Variants in PPFIA4 observed in about 807,000 individuals in gnomAD.
PPFIA4 encodes the protein liprin-alpha-4.
Under a neutral mutation model 145.7 loss-of-function variants are expected in PPFIA4, and 98 were observed. The observed-to-expected ratio is 0.67, with a 90% confidence interval of 0.57 to 0.80. The LOEUF is 0.80. Ranked by LOEUF, PPFIA4 falls within the 30% of genes least tolerant of loss-of-function variation. PPFIA4 has a pLI of 0.00. For missense variants in PPFIA4, 1,457 were observed against 1,632.7 expected, an observed-to-expected ratio of 0.89 and a Z score of 1.85; for synonymous variants, 628 against 649.6, an observed-to-expected ratio of 0.97 and a Z score of 0.51.
chr1:203,068,398 GC>G lies in PPFIA4; in HGVS notation c.3149-52del, dbSNP rs1571735966. On this transcript the variant is annotated intron_variant, in intron 26 of 29. Transcript: ENST00000295706. This position sits in a 1 kb window ranked among gnomAD's most constrained non-coding sequence, Gnocchi z 4.7. ...GGAGCTCTGCTTCTGTCCTTGGAGGGCCCTTGATGAAACGTAGTATCTCCTT... is the reference window on the plus strand; with the variant it reads ...GGAGCTCTGCTTCTGTCCTTGGAGGGCCTTGATGAAACGTAGTATCTCCTT... The G allele has an allele frequency of 5.4e-6, 8 of 1,470,572 alleles. No individual in the cohort carries two copies. The East Asian group carries it at 2.0e-4, about 37-fold the overall frequency. 91.1% of individuals were successfully genotyped at this position (1,470,572 alleles called of 1,614,324 possible).
At position 203,060,777 on chromosome 1, in the gene PPFIA4, A is replaced by T. The variant is rs189886398; in HGVS notation, c.2785-193A>T. Among the ~76,000 whole-genome samples the T allele has an allele frequency of 1.5e-3, 221 of 152,284 alleles. No homozygotes were observed. Among genetic ancestry groups the T allele is most frequent in the Middle Eastern group, 0.014 (4 of 294 alleles). On this transcript the variant is annotated intron_variant, in intron 22 of 29. Coordinates refer to ENST00000295706, the MANE Select transcript of PPFIA4 (RefSeq NM_001304331.2). The surrounding 1 kb of genome is among the most constrained non-coding windows in gnomAD (Gnocchi z 4.8). ...TTGTGAATATTGTCTTGGTCCTCTA[A>T]CACAAGAATGCGGACTGCTCTGTGG...
chr1:203,046,207 G>A, intron 8 of PPFIA4, 41 bp from the exon 9 acceptor site: 1 of 1,560,874 alleles, frequency 6.4e-7, no homozygotes, highest in Non-Finnish European at 8.7e-7. Context: ...GGGGGCTTCA[G>A]TGCTCCCTTT....
chr1:203,035,318 A>G (rs1558063343), intron 1 of PPFIA4: 1 of 456,646 alleles, frequency 2.2e-6, no homozygotes. Flanking sequence ...CAGGCCTGCC[A>G]TCTGGTAGGC....
chr1:203,057,379 A>G (rs1661042966), intron 19 of PPFIA4, among the ~76,000 whole-genome samples: 1 of 152,228 alleles, frequency 6.6e-6, no homozygotes, highest in Admixed American at 6.5e-5. Flanking sequence ...GGGACTCAAA[A>G]TGTGATAACA....
intron 27 of PPFIA4, among the ~76,000 whole-genome samples, chr1:203,070,512 T>C (rs1248932833): frequency 6.7e-6 from 1 of 149,830 alleles, no homozygotes; most frequent in Non-Finnish European, 1.5e-5. Context: ...AGCCCAGGAG[T>C]TTAAGGCTGC....
At position 203,046,254 on chromosome 1, in the gene PPFIA4, G is replaced by A; in HGVS notation, c.1012G>A (p.Glu338Lys). The A allele has an allele frequency of 6.3e-7, 1 of 1,591,648 alleles. No homozygotes were observed. Among genetic ancestry groups the A allele is most frequent in the Middle Eastern group, 1.7e-4 (1 of 6,038 alleles). ...ACCACCCCCACATTGCTAGTGTGAG[G>A]AGAAGGCCCGACACCTGCAGGAGCT... ...NKESLHRQCEEKARHLQELLE... is the reference protein window; with the variant it reads ...NKESLHRQCEKKARHLQELLE... The change falls in exon 9 of 30, where the codon GAG (glutamate) becomes AAG (lysine). Residue 338 changes from glutamate to lysine, a missense_variant. This residue lies in a region of PPFIA4 where 463 missense variants were observed against 459.8 expected (regional missense o/e 1.01). Coordinates refer to ENST00000295706, the MANE Select transcript of PPFIA4 (RefSeq NM_001304331.2).
chr1:203,048,741 C>A lies in PPFIA4; in HGVS notation c.1356+27C>A, dbSNP rs760593173. ...TGCCCAGAGGGGCGGGGTTGGGATG[C>A]GAGAGGTTAGTGCTGGGTGTGGGGC... On this transcript the variant is annotated intron_variant, in intron 11 of 29. Transcript: ENST00000295706. The surrounding 1 kb of genome is among the most constrained non-coding windows in gnomAD (Gnocchi z 5.8). 2 of 1,476,850 alleles carry A rather than the reference C, an allele frequency of 1.4e-6. No individual in the cohort carries two copies. The highest frequency in any genetic ancestry group is 2.0e-5 in the Admixed American group (1 of 51,236). 91.5% of individuals were successfully genotyped at this position (1,476,850 alleles called of 1,614,324 possible). A position where few individuals can be genotyped will look rare whatever the true frequency, so the allele number is the denominator to read the frequency against.
intron 27 of PPFIA4, 33 bp from the exon 28 acceptor site, chr1:203,071,659 C>G: frequency 6.5e-7 from 1 of 1,541,998 alleles, no homozygotes; most frequent in Non-Finnish European, 8.9e-7. Flanking sequence ...ATAGCCCTTC[C>G]CACCTTTCCC....
rs367972229 is a variant in PPFIA4, at chr1:203,066,357, A to G, written c.3051-1338A>G. Among the ~76,000 whole-genome samples, 13 of 152,324 alleles carry G rather than the reference A, an allele frequency of 8.5e-5. No homozygotes were observed. The East Asian group carries it at 1.9e-3, about 23-fold the overall frequency. On this transcript the variant is annotated intron_variant, in intron 25 of 29. Transcript: ENST00000295706. ...CCTCCTGCTGAGAAGTGAGGGGAGA[A>G]AAGGAGGGAGCAGTCTGCACAATTT... is the stretch of plus-strand genomic sequence containing the variant.
rs1214457942 is a variant in PPFIA4 at position 203,038,923 on chromosome 1, C to T, written c.-86C>T. On this transcript the variant is annotated 5_prime_UTR_variant, in exon 2 of 30. Transcript: ENST00000295706. ...TCGCCTGGCACTGCCCACTCTGAGA[C>T]CCATGCACTGGGTTCCCCTGGAGGT... The T allele has an allele frequency of 4.3e-6, 3 of 696,648 alleles. No homozygotes were observed. The highest frequency in any genetic ancestry group is 4.9e-4 in the Middle Eastern group (2 of 4,120). The allele number at this position is 696,648 out of a possible 1,614,324, so 43.2% of individuals were successfully genotyped here.
rs940048760 is a variant in PPFIA4, at chr1:203,048,929, C to G, written c.1368C>G (p.Ile456Met). 1.2e-5 allele frequency: 18 copies of G among 1,548,362 alleles called. No homozygotes were observed. The African/African-American group carries it at 1.9e-4, about 17-fold the overall frequency. The change falls in exon 12 of 30, where the codon ATC (isoleucine) becomes ATG (methionine). Residue 456 changes from isoleucine to methionine, a missense_variant. Transcript: ENST00000295706. The surrounding 1 kb of genome is among the most constrained non-coding windows in gnomAD (Gnocchi z 5.8). ...CTGCTCTCCCCCAGAACACGTTGAT[C>G]CAGGAGTTGGAGAGCTCCCAGCGGC... ...MAALEEKNTLIQELESSQRQI... is the reference protein window; with the variant it reads ...MAALEEKNTLMQELESSQRQI...
chr1:203,052,015 G>A, intron 14 of PPFIA4, 138 bp downstream of exon 14: 1 of 953,632 alleles, frequency 1.0e-6, no homozygotes, highest in East Asian at 2.9e-5. Context: ...CAGCCCTGGG[G>A]TTGAGGCCAT....
chr1:203,035,781 C>T (rs1659204807), intron 1 of PPFIA4: 1 of 402,012 alleles, frequency 2.5e-6, no homozygotes, highest in Admixed American at 2.7e-5. Context: ...CTGGGGCTCC[C>T]TTCTGCTCAC....
At chr1:203,026,695 G>A (rs1219714818) in intron 1 of PPFIA4, 66 bp downstream of exon 1, 3 of 152,306 alleles carry the variant, frequency 2.0e-5, no homozygotes, top group Non-Finnish European at 4.4e-5. Context: ...CCCCTCGACA[G>A]TTTGGGGAGG....
rs1273677518 is a variant in PPFIA4, at chr1:203,053,766, C to G, written c.1634C>G (p.Ser545Cys). The G allele has an allele frequency of 9.0e-6, 14 of 1,550,802 alleles. No homozygotes were observed. The highest frequency in any genetic ancestry group is 1.4e-5 in the African/African-American group (1 of 73,038). The part of the protein sequence containing the change: ...REESAKDWET[S>C]PLPGMLAPAA... ...TCCTTTGCTAAGGACTGGGAGACTT[C>G]TCCACTGCCTGGGATGCTGGCCCCG... is the stretch of plus-strand genomic sequence containing the variant. The change falls in exon 15 of 30, where the codon TCT becomes TGT. Residue 545 changes from serine (S) to cysteine (C), a missense_variant. This residue lies in a region of PPFIA4 where 848 missense variants were observed against 1,046.7 expected (regional missense o/e 0.81). Coordinates refer to ENST00000295706, the MANE Select transcript of PPFIA4 (RefSeq NM_001304331.2).
In PPFIA4 at chr1:203,045,785, C is replaced by T; in HGVS notation, c.859-56C>T. 1.9e-6 allele frequency: 3 copies of T among 1,610,312 alleles called. No homozygotes were observed. In the South Asian group the frequency reaches 3.3e-5, roughly 18 times the overall value. ...CCAGGTGTGGGTGGGGAGGTGTAGA[C>T]AGGATGGGGGCAAGGAAAGGCTGGT... On this transcript the variant is annotated intron_variant, in intron 7 of 29. Transcript: ENST00000295706.
rs1290418740 is a variant in PPFIA4 at position 203,044,398 on chromosome 1, C to T, written c.521C>T (p.Ala174Val). The T allele has an allele frequency of 5.2e-6, 8 of 1,552,160 alleles. No individual in the cohort carries two copies. The highest frequency in any genetic ancestry group is 7.0e-6 in the Non-Finnish European group (8 of 1,147,938). ...GAGCAGGTGCGAGAGCGGCTCCGGG[C>T]AGCGCTGGAGCGAGTCACCACCTTG... is the stretch of plus-strand genomic sequence containing the variant. ...LDEKVRERLRAALERVTTLEE... is the reference protein window; with the variant it reads ...LDEKVRERLRVALERVTTLEE... Residue 174 changes from alanine (A) to valine (V), a missense_variant, in exon 5 of 30, where the codon GCA becomes GTA. Ala to Val is a moderately conservative substitution (Grantham distance 64). Transcript: ENST00000295706.
intron 19 of PPFIA4, among the ~76,000 whole-genome samples, chr1:203,058,108 A>G (rs1312316247): frequency 6.6e-6 from 1 of 152,194 alleles, no homozygotes; most frequent in African/African-American, 2.4e-5. Flanking sequence ...GGAGGAACTC[A>G]TCAACTAGAA....
chr1:203,065,346 G>T (rs1436077536), intron 25 of PPFIA4, among the ~76,000 whole-genome samples: 2 of 151,842 alleles, frequency 1.3e-5, no homozygotes, highest in Non-Finnish European at 2.9e-5. Context: ...GGGCTGAAAA[G>T]GAATCGTTTT....
Sources: gnomAD v4.1 joint callset for allele counts (sites outside exome capture counted in the v4.1 genomes callset) on GRCh38, gnomAD v4.1.1 for gene constraint, gnomAD v4.1.1 regional missense constraint, Gnocchi (gnomAD v3.1) non-coding constraint, MANE v1.5 for transcripts, NCBI Gene and HGNC (gene_info 2026-07-23, HGNC 2026-07-21) for gene names.